RNF24: variants seen among roughly 807,000 people sequenced by gnomAD.
The protein encoded by RNF24 is ring finger protein 24.
RNF24 carries 14 observed loss-of-function variants against 20.0 expected under a neutral mutation model. That is an observed-to-expected ratio of 0.70 (90% confidence interval 0.46 to 1.10). The LOEUF (loss-of-function observed/expected upper bound fraction) is 1.10. Among genes scored for constraint, RNF24 ranks in the 50% least tolerant of loss-of-function variants. The probability of loss-of-function intolerance (pLI) is 0.00; values close to 1 mark genes in which losing one functional copy is unlikely to be tolerated. For missense variants in RNF24, 124 were observed against 177.6 expected (o/e 0.70, Z 1.71); for synonymous variants, 45 against 61.1 (o/e 0.74, Z 1.23).
At chr20:4,009,063 A>G (rs1982215897) in intron 1 of RNF24, among the ~76,000 whole-genome samples, 1 of 152,172 alleles carries the variant, frequency 6.6e-6, no homozygotes, top group Admixed American at 6.5e-5. Flanking sequence ...CTGAGTAGAC[A>G]CTTGTGCCAC....
At chr20:3,944,127 T>C (rs2090989333) in intron 4 of RNF24, among the ~76,000 whole-genome samples, 1 of 151,536 alleles carries the variant, frequency 6.6e-6, no homozygotes, top group African/African-American at 2.4e-5. Context: ...GGAGAATCGC[T>C]TGAGCCCAGG....
chr20:3,937,128 C>T (rs1434994418), intron 4 of RNF24, among the ~76,000 whole-genome samples: 2 of 152,132 alleles, frequency 1.3e-5, no homozygotes, highest in Non-Finnish European at 1.5e-5. Flanking sequence ...TGAGCCACTG[C>T]GCCCAGCCCC....
chr20:4,008,419 T>TTA (rs1491151617), intron 1 of RNF24, among the ~76,000 whole-genome samples: 11 of 50,704 alleles, frequency 2.2e-4, no homozygotes, highest in South Asian at 9.9e-4. Flanking sequence ...AATATATATA[T>TTA]TATATATAAT....
At chr20:3,951,865 G>T (rs6084527) in intron 2 of RNF24, among the ~76,000 whole-genome samples, 1 of 151,994 alleles carries the variant, frequency 6.6e-6, no homozygotes, top group Admixed American at 6.6e-5. Flanking sequence ...ATGCATTTCC[G>T]TATTTACTGG....
At position 3,931,235 on chromosome 20, in the gene RNF24, G is replaced by C. The variant is rs1295347434; in HGVS notation, c.*2828C>G. 6.6e-6 allele frequency: 1 copy of C among 152,146 alleles called. No homozygotes were observed. The highest frequency in any genetic ancestry group is 2.1e-4 in the South Asian group (1 of 4,816). The allele number at this position is 152,146 out of a possible 1,614,324, so 9.4% of individuals were successfully genotyped here. A position where few individuals can be genotyped will look rare whatever the true frequency, so the allele number is the denominator to read the frequency against. On this transcript the variant is annotated 3_prime_UTR_variant, in exon 6 of 6. Coordinates refer to ENST00000358395, the MANE Select transcript of RNF24 (RefSeq NM_001134337.3). ...TGAGCTGCTTAAGAAACACACAAAG[G>C]ATACCAGCCAGTGGTCCAAGAGCAG...
At chr20:3,953,628 C>G (rs961372996) in intron 2 of RNF24, among the ~76,000 whole-genome samples, 7 of 151,854 alleles carry the variant, frequency 4.6e-5, no homozygotes, top group African/African-American at 1.7e-4. Flanking sequence ...CCACGCCCGG[C>G]TAATTTCTGT....
intron 2 of RNF24, among the ~76,000 whole-genome samples, chr20:3,960,992 C>A (rs1207653458): frequency 6.6e-6 from 1 of 151,980 alleles, no homozygotes; most frequent in Admixed American, 6.6e-5. Flanking sequence ...TGGTGTTTCA[C>A]TTGTTGGCCA....
At chr20:3,948,101 ACTG>A in intron 3 of RNF24, 133 bp downstream of exon 3, 1 of 651,254 alleles carries the variant, frequency 1.5e-6, no homozygotes, top group South Asian at 1.8e-5. Context: ...GATATATTAT[ACTG>A]CAAATTGGCA....
At chr20:3,999,329 G>T (rs1431178384) in intron 1 of RNF24, among the ~76,000 whole-genome samples, 1 of 152,130 alleles carries the variant, frequency 6.6e-6, no homozygotes, top group African/African-American at 2.4e-5. Context: ...AAGGAATGAT[G>T]GGACATGAAT....
chr20:3,931,142 C>T lies in RNF24; in HGVS notation c.*2921G>A, dbSNP rs199826479. ...CTAGCAACTACTAATGGTTCAGCCA[C>T]CCGTGGAGTCCAGTTGGGGCTGAGT... On this transcript the variant is annotated 3_prime_UTR_variant, in exon 6 of 6. Transcript: ENST00000358395. The T allele has an allele frequency of 3.3e-5, 5 of 152,234 alleles. No individual in the cohort carries two copies. Among genetic ancestry groups the T allele is most frequent in the South Asian group, 2.1e-4 (1 of 4,834 alleles). The allele number at this position is 152,234 out of a possible 1,614,324, so 9.4% of individuals were successfully genotyped here.
At chr20:3,992,222 C>T (rs1980506690) in intron 1 of RNF24, among the ~76,000 whole-genome samples, 1 of 152,160 alleles carries the variant, frequency 6.6e-6, no homozygotes, top group African/African-American at 2.4e-5. Flanking sequence ...GGAAATCTTC[C>T]ATGTCTTTGA....
At chr20:3,958,422 T>A (rs1034308094) in intron 2 of RNF24, among the ~76,000 whole-genome samples, 2 of 152,206 alleles carry the variant, frequency 1.3e-5, no homozygotes, top group African/African-American at 4.8e-5. Context: ...ATTCCTTGTA[T>A]CCACTTTCAC....
rs572852900 is a variant in RNF24 at position 3,930,406 on chromosome 20, T to C, written c.*3657A>G. The C allele has an allele frequency of 2.0e-5, 3 of 152,266 alleles. No homozygotes were observed. The highest frequency in any genetic ancestry group is 3.9e-4 in the East Asian group (2 of 5,160). The allele number at this position is 152,266 out of a possible 1,614,324, so 9.4% of individuals were successfully genotyped here. A position where few individuals can be genotyped will look rare whatever the true frequency, so the allele number is the denominator to read the frequency against. On this transcript the variant is annotated 3_prime_UTR_variant, in exon 6 of 6. Transcript: ENST00000358395. ...AGAGGAGCCCATGTAACCCAGATGA[T>C]GTTATGTGGTATCAGCAGCCCCCAT...
chr20:3,949,117 C>T (rs1233293842), intron 2 of RNF24, among the ~76,000 whole-genome samples: 3 of 152,230 alleles, frequency 2.0e-5, no homozygotes, highest in Non-Finnish European at 4.4e-5. Context: ...CCGTGGCTCA[C>T]GCCTGTAATC....
At position 3,935,025 on chromosome 20, in the gene RNF24, T is replaced by G; in HGVS notation, c.277A>C (p.Ile93Leu). Residue 93 changes from isoleucine (I) to leucine (L), a missense_variant, in exon 5 of 6, where the codon ATT (isoleucine) becomes CTT (leucine). Transcript: ENST00000358395. ...TGGAAGGCGTGCTTACATGGGCAAA[T>G]CCCCAACTCATCTCGAGGCTTGAAG... ...EDFKPRDELGICPCKHAFHRK... is the reference protein window; with the variant it reads ...EDFKPRDELGLCPCKHAFHRK... 6.2e-7 allele frequency: 1 copy of G among 1,613,906 alleles called. No homozygotes were observed. Among genetic ancestry groups the G allele is most frequent in the Non-Finnish European group, 8.5e-7 (1 of 1,179,916 alleles).
chr20:3,992,675 G>C (rs547877413), intron 1 of RNF24, among the ~76,000 whole-genome samples: 1 of 152,104 alleles, frequency 6.6e-6, no homozygotes, highest in Admixed American at 6.5e-5. Flanking sequence ...TATCTCTCTA[G>C]GGTCTCCCTT....
chr20:3,951,445 CTA>C (rs1329849316), intron 2 of RNF24, among the ~76,000 whole-genome samples: 1 of 152,142 alleles, frequency 6.6e-6, no homozygotes, highest in Non-Finnish European at 1.5e-5. Flanking sequence ...TACATATACT[CTA>C]TTATTTTCTC....
At chr20:4,013,506 G>C (rs7273150) in intron 1 of RNF24, among the ~76,000 whole-genome samples, 104,766 of 152,024 alleles carry the variant, frequency 0.69, 36,422 homozygotes, top group South Asian at 0.81. Flanking sequence ...TTCAGACGGA[G>C]TTTCGCTCTT....
chr20:3,938,470 G>C (rs1187553131), intron 4 of RNF24, among the ~76,000 whole-genome samples: 6 of 152,094 alleles, frequency 3.9e-5, no homozygotes, highest in Non-Finnish European at 7.3e-5. Flanking sequence ...CACAACCAAA[G>C]CACAACCTAA....
Sources: allele counts gnomAD v4.1 joint callset (sites outside exome capture counted in the v4.1 genomes callset), GRCh38; gene constraint gnomAD v4.1.1; transcripts MANE v1.5; gene names NCBI Gene and HGNC (gene_info 2026-07-23, HGNC 2026-07-21).